Variants in LAMA1 observed in about 807,000 individuals in gnomAD.
LAMA1 encodes laminin subunit alpha-1.
Under a neutral mutation model 348.7 loss-of-function variants are expected in LAMA1, and 219 were observed. The ratio of observed to expected loss-of-function variants is 0.63; its 90% CI spans 0.56 to 0.70. The LOEUF (loss-of-function observed/expected upper bound fraction) is 0.70. Ranked by LOEUF, LAMA1 falls within the 30% of genes least tolerant of loss-of-function variation. The pLI, the probability that LAMA1 is intolerant of heterozygous loss-of-function variation, is 0.00. For synonymous variants in LAMA1, 1,487 were observed against 1,491.0 expected (o/e 1.00, Z 0.06); for missense variants, 3,744 against 3,888.0 (o/e 0.96, Z 0.99).
chr18:6,988,503 T>A (rs896270471), intron 36 of LAMA1, among the ~76,000 whole-genome samples: 1 of 152,164 alleles, frequency 6.6e-6, no homozygotes, highest in African/African-American at 2.4e-5. Context: ...TGTGCTTCTT[T>A]AATGACATAT....
intron 45 of LAMA1, among the ~76,000 whole-genome samples, 168 bp from the exon 46 acceptor site, chr18:6,975,204 C>G (rs2057676442): frequency 6.6e-6 from 1 of 152,116 alleles, no homozygotes. Context: ...TGGTCCCTTC[C>G]CTGGAGCTGG....
intron 9 of LAMA1, among the ~76,000 whole-genome samples, chr18:7,040,813 A>G (rs1189515821): frequency 6.6e-6 from 1 of 152,338 alleles, no homozygotes; most frequent in Non-Finnish European, 1.5e-5. Flanking sequence ...ATTTGGTAAT[A>G]AAAAGGGTTG....
chr18:7,088,240 C>A (rs1260420770), intron 1 of LAMA1, among the ~76,000 whole-genome samples: 3 of 152,174 alleles, frequency 2.0e-5, no homozygotes, highest in African/African-American at 7.2e-5. Flanking sequence ...CCTTCGTCTC[C>A]TCCGTCCTCC....
At chr18:7,018,703 CT>C (rs1209326772) in intron 19 of LAMA1, among the ~76,000 whole-genome samples, 2 of 152,090 alleles carry the variant, frequency 1.3e-5, no homozygotes, top group African/African-American at 4.8e-5. Context: ...CCCCCAGGCA[CT>C]CTTTATAAAT....
chr18:7,040,944 AAAG>A (rs1190678714), intron 9 of LAMA1, among the ~76,000 whole-genome samples: 1 of 152,224 alleles, frequency 6.6e-6, no homozygotes. Context: ...GTAAATCTGC[AAAG>A]AAAAAGGTAA....
At chr18:6,957,742 T>C (rs2057586510) in intron 55 of LAMA1, among the ~76,000 whole-genome samples, 1 of 152,068 alleles carries the variant, frequency 6.6e-6, no homozygotes. Flanking sequence ...GTCAGTTCTT[T>C]TCCTCATCAT....
At chr18:7,054,661 C>T (rs2058074516) in intron 3 of LAMA1, among the ~76,000 whole-genome samples, 1 of 152,006 alleles carries the variant, frequency 6.6e-6, no homozygotes. Context: ...CCTTGAACAA[C>T]ACGGGTTTAA....
In LAMA1 at chr18:6,979,633, C is replaced by T. The variant is rs1444418879; in HGVS notation, c.6007+888G>A. ...TAAAACTTTAGGCCAGGCGCGGTGG[C>T]TCACGCCTGTAATCCCAACACTTTG... On this transcript the variant is annotated intron_variant, in intron 42 of 62. Transcript: ENST00000389658. 3.9e-5 allele frequency among the ~76,000 whole-genome samples: 6 copies of T among 152,356 alleles called. No individual in the cohort carries two copies. The East Asian group carries it at 9.6e-4, about 24-fold the overall frequency.
chr18:7,007,483 A>AG (rs1457742314), intron 28 of LAMA1, among the ~76,000 whole-genome samples: 1 of 152,078 alleles, frequency 6.6e-6, no homozygotes, highest in Non-Finnish European at 1.5e-5. Flanking sequence ...AAAAAAAAAA[A>AG]AAACTAACAA....
At chr18:7,100,046 C>A in intron 1 of LAMA1, among the ~76,000 whole-genome samples, 1 of 95,594 alleles carries the variant, frequency 1.0e-5, no homozygotes, top group Admixed American at 1.6e-4. Flanking sequence ...GCAACAGAGC[C>A]AGACTTTGTC....
At chr18:7,019,815 A>G (rs2057907547) in intron 19 of LAMA1, among the ~76,000 whole-genome samples, 1 of 150,374 alleles carries the variant, frequency 6.7e-6, no homozygotes, top group South Asian at 2.1e-4. Context: ...CCAAGTAGCT[A>G]GGATTACAGG....
intron 33 of LAMA1, among the ~76,000 whole-genome samples, 155 bp downstream of exon 33, chr18:6,997,587 C>T (rs2057787491): frequency 6.6e-6 from 1 of 152,096 alleles, no homozygotes; most frequent in Admixed American, 6.5e-5. Flanking sequence ...TCACTGGTCA[C>T]AGTCAAGGAA....
At chr18:7,033,130 C>T (rs754703240) in intron 14 of LAMA1, 35 bp from the exon 15 acceptor site, 28 of 1,388,422 alleles carry the variant, frequency 2.0e-5, no homozygotes, top group Non-Finnish European at 2.7e-5. Context: ...GACTCACACG[C>T]TCGCAAATAC....
At chr18:6,998,695 C>T (rs1359826040) in intron 32 of LAMA1, among the ~76,000 whole-genome samples, 1 of 152,172 alleles carries the variant, frequency 6.6e-6, no homozygotes, top group African/African-American at 2.4e-5. Context: ...CTATCTCATG[C>T]ACTTGCTGGT....
chr18:6,998,731 G>A (rs953788906), intron 32 of LAMA1, among the ~76,000 whole-genome samples: 2 of 152,142 alleles, frequency 1.3e-5, no homozygotes, highest in African/African-American at 4.8e-5. Flanking sequence ...TGGAAAAAAA[G>A]TTTACAAAAG....
rs907737803 is a variant in LAMA1 at position 6,941,937 on chromosome 18, T to G, written c.*142A>C. 15 of 982,074 alleles carry G rather than the reference T, an allele frequency of 1.5e-5. No individual in the cohort carries two copies. Among genetic ancestry groups the G allele is most frequent in the East Asian group, 2.4e-5 (1 of 41,594 alleles). The allele number at this position is 982,074 out of a possible 1,614,324, so 60.8% of individuals were successfully genotyped here. ...GTATTTGTTGCACATGTGGTTTTAG[T>G]GTAACGTAAACACAACATCTCTCCC... On this transcript the variant is annotated 3_prime_UTR_variant, in exon 63 of 63. Transcript: ENST00000389658.
chr18:6,968,795 A>G (rs1035807468), intron 48 of LAMA1, among the ~76,000 whole-genome samples: 81 of 152,310 alleles, frequency 5.3e-4, no homozygotes, highest in African/African-American at 1.9e-3. Context: ...GTTTCAATTC[A>G]TTTACTTGGT....
intron 1 of LAMA1, among the ~76,000 whole-genome samples, chr18:7,113,551 A>T (rs2058343936): frequency 6.6e-6 from 1 of 152,180 alleles, no homozygotes; most frequent in Admixed American, 6.5e-5. Context: ...CACATTGGGG[A>T]ACATTAAGTA....
At chr18:7,054,379 A>G (rs1198047817) in intron 3 of LAMA1, among the ~76,000 whole-genome samples, 2 of 148,890 alleles carry the variant, frequency 1.3e-5, no homozygotes, top group Admixed American at 1.4e-4. Context: ...CGTAGTGAAA[A>G]TATCACACCC....
Sources: gnomAD v4.1 joint callset for allele counts (sites outside exome capture counted in the v4.1 genomes callset) on GRCh38, gnomAD v4.1.1 for gene constraint, MANE v1.5 for transcripts, NCBI Gene and HGNC (gene_info 2026-07-23, HGNC 2026-07-21) for gene names.